Variants in ACO1 observed in about 807,000 individuals in gnomAD.
ACO1 encodes the protein aconitase 1.
In ACO1, 78 loss-of-function variants were observed where a neutral mutation model predicts 105.1. That is an observed-to-expected ratio of 0.74 (90% CI 0.62 to 0.90). The LOEUF is 0.90. Ranked by LOEUF, ACO1 falls within the 40% of genes least tolerant of loss-of-function variation. The probability of loss-of-function intolerance (pLI) is 0.00; values close to 1 mark genes in which losing one functional copy is unlikely to be tolerated. For missense variants in ACO1, 965 were observed against 1,111.1 expected (o/e 0.87, Z 1.87); for synonymous variants, 364 against 397.4 (o/e 0.92, Z 1.00).
rs1372526070 is a variant in ACO1 at position 32,450,201 on chromosome 9, G to C, written c.*90G>C. 1.0e-6 allele frequency: 1 copy of C among 1,001,668 alleles called. No individual in the cohort carries two copies. Among genetic ancestry groups the C allele is most frequent in the African/African-American group, 1.6e-5 (1 of 63,050 alleles). The allele number at this position is 1,001,668 out of a possible 1,614,324, so 62.0% of individuals were successfully genotyped here. A position where few individuals can be genotyped will look rare whatever the true frequency, so the allele number is the denominator to read the frequency against. ...GGAGAGGCCTCCCTGGCTGCCTCTG[G>C]GAGGGGTGCTGCCTTGTAGATGGAG... On this transcript the variant is annotated 3_prime_UTR_variant, in exon 21 of 21. Transcript: ENST00000309951.
In ACO1 at chr9:32,386,841, G is replaced by A. The variant is rs76475458; in HGVS notation, c.-23+2106G>A. 9.5e-3 allele frequency among the ~76,000 whole-genome samples: 1,452 copies of A among 152,248 alleles called. 34 individuals carry two copies. Among genetic ancestry groups the A allele is most frequent in the African/African-American group, 0.033 (1,351 of 41,536 alleles). ...ATTTCTCATGTGTCCAGTTATGTGC[G>A]GGATGCCAGGAAAGTAGTGAGCACA... On this transcript the variant is annotated intron_variant, in intron 1 of 20. Transcript: ENST00000309951.
chr9:32,408,503 T>C lies in ACO1; in HGVS notation c.267-11T>C, dbSNP rs755048487. ...GGCTTATTTTCTGCATTATTCTCTT[T>C]CTTCTCTTAGGGGTGTGCCCGCTGT... On this transcript the variant is annotated splice_polypyrimidine_tract_variant and intron_variant, in intron 3 of 20. Coordinates refer to ENST00000309951, the MANE Select transcript of ACO1 (RefSeq NM_002197.3). 17 of 1,613,276 alleles carry C rather than the reference T, an allele frequency of 1.1e-5. No homozygotes were observed. The highest frequency in any genetic ancestry group is 1.4e-5 in the Non-Finnish European group (16 of 1,179,770).
intron 18 of ACO1, 59 bp from the exon 19 acceptor site, chr9:32,440,406 G>C (rs45454698): frequency 0.2 from 322,979 of 1,606,568 alleles, 34,908 homozygotes; most frequent in South Asian, 0.32. Flanking sequence ...GGGCTCAGGG[G>C]ACCTGTGTCC....
intron 17 of ACO1, chr9:32,436,049 A>C (rs1041903668): frequency 1.5e-5 from 11 of 712,000 alleles, no homozygotes; most frequent in Middle Eastern, 2.3e-4. Context: ...TATGCCTCTC[A>C]CCACCCCTTC....
intron 19 of ACO1, chr9:32,445,575 AT>A: frequency 3.3e-6 from 1 of 306,184 alleles, no homozygotes. Context: ...GGATTCATTG[AT>A]TTGATTTTTT....
In ACO1 at chr9:32,405,515, C is replaced by A. The variant is rs1482161339; in HGVS notation, c.9C>A (p.Asn3Lys). 6.2e-7 allele frequency: 1 copy of A among 1,613,136 alleles called. No homozygotes were observed. Among genetic ancestry groups the A allele is most frequent in the Admixed American group, 1.7e-5 (1 of 59,920 alleles). The part of the protein sequence containing the change: MS[N>K]PFAHLAEPLD... Reference sequence around the variant, plus strand: ...CGTGGCCATCAGTAATCATGAGCAACCCATTCGCACACCTTGCTGAGCCAT... The same window carrying A: ...CGTGGCCATCAGTAATCATGAGCAAACCATTCGCACACCTTGCTGAGCCAT... Residue 3 changes from asparagine to lysine, a missense_variant, in exon 2 of 21, where the codon AAC (asparagine) becomes AAA (lysine). By Grantham distance (94) the Asn-to-Lys change is moderately conservative. Coordinates refer to ENST00000309951, the MANE Select transcript of ACO1 (RefSeq NM_002197.3).
intron 1 of ACO1, among the ~76,000 whole-genome samples, chr9:32,405,145 C>A (rs983596472): frequency 2.6e-5 from 4 of 152,158 alleles, no homozygotes; most frequent in Admixed American, 6.5e-5. Flanking sequence ...GGGCAAACAG[C>A]CTGGCTGTCT....
chr9:32,444,996 A>G (rs10970981), intron 19 of ACO1, among the ~76,000 whole-genome samples: 46,586 of 152,028 alleles, frequency 0.31, 7,648 homozygotes, highest in East Asian at 0.52. Context: ...GCTTTTTGAT[A>G]TGCTGCTGGA....
At chr9:32,415,696 C>T (rs1290033208) in intron 4 of ACO1, among the ~76,000 whole-genome samples, 3 of 152,180 alleles carry the variant, frequency 2.0e-5, no homozygotes, top group African/African-American at 7.2e-5. Flanking sequence ...GGTGTCCTGC[C>T]TTGTTCTGCT....
chr9:32,389,114 G>C (rs1414982137), intron 1 of ACO1, among the ~76,000 whole-genome samples: 2 of 152,288 alleles, frequency 1.3e-5, no homozygotes, highest in Middle Eastern at 3.4e-3. Context: ...CTTTACACTG[G>C]TGTTACAAAA....
intron 19 of ACO1, among the ~76,000 whole-genome samples, chr9:32,447,383 C>T (rs1350529472): frequency 6.6e-6 from 1 of 152,082 alleles, no homozygotes; most frequent in African/African-American, 2.4e-5. Context: ...TATATACTCA[C>T]GAAGTTCTCG....
intron 18 of ACO1, among the ~76,000 whole-genome samples, chr9:32,436,640 G>C (rs1374415602): frequency 1.3e-5 from 2 of 152,166 alleles, no homozygotes; most frequent in African/African-American, 4.8e-5. Context: ...TAGGAATTGA[G>C]CTTTGAGTGA....
At chr9:32,395,988 G>A (rs1821365150) in intron 1 of ACO1, among the ~76,000 whole-genome samples, 2 of 152,228 alleles carry the variant, frequency 1.3e-5, no homozygotes, top group South Asian at 4.1e-4. Context: ...AGAGGCAGGG[G>A]CTGCCTGGTC....
chr9:32,399,454 A>T (rs1159408529), intron 1 of ACO1, among the ~76,000 whole-genome samples: 1 of 152,230 alleles, frequency 6.6e-6, no homozygotes, highest in Non-Finnish European at 1.5e-5. Flanking sequence ...ACCTCCACTC[A>T]CTGCCTCAGA....
At chr9:32,393,539 C>G (rs183871692) in intron 1 of ACO1, among the ~76,000 whole-genome samples, 1 of 152,270 alleles carries the variant, frequency 6.6e-6, no homozygotes. Context: ...TGCCCTGCCT[C>G]CATTTACCTT....
intron 1 of ACO1, among the ~76,000 whole-genome samples, chr9:32,397,867 G>C (rs1821404871): frequency 6.6e-6 from 1 of 152,092 alleles, no homozygotes; most frequent in Non-Finnish European, 1.5e-5. Context: ...CCACTCTTAG[G>C]TGTCTTTAGA....
chr9:32,394,348 T>C (rs746617606), intron 1 of ACO1, among the ~76,000 whole-genome samples: 17 of 152,220 alleles, frequency 1.1e-4, no homozygotes, highest in Non-Finnish European at 1.6e-4. Context: ...GGCTGCATGA[T>C]GTTCTGATTT....
chr9:32,430,686 C>G, intron 14 of ACO1, 112 bp downstream of exon 14: 2 of 1,184,544 alleles, frequency 1.7e-6, no homozygotes, highest in South Asian at 3.4e-5. Context: ...AGGGATAAGA[C>G]AAAGAAGAGA....
intron 1 of ACO1, among the ~76,000 whole-genome samples, chr9:32,394,137 C>G (rs1165233268): frequency 6.6e-6 from 1 of 152,206 alleles, no homozygotes; most frequent in African/African-American, 2.4e-5. Flanking sequence ...CAATGTCACA[C>G]TTTTGTGCCT....
Sources: gnomAD v4.1 joint callset for allele counts (sites outside exome capture counted in the v4.1 genomes callset) on GRCh38, gnomAD v4.1.1 for gene constraint, MANE v1.5 for transcripts, NCBI Gene and HGNC (gene_info 2026-07-23, HGNC 2026-07-21) for gene names.